Variants in CERK observed in about 807,000 individuals in gnomAD.
CERK encodes the protein acylsphingosine kinase.
Under a neutral mutation model 63.4 loss-of-function variants are expected in CERK, and 39 were observed. The observed-to-expected ratio is 0.61, with a 90% CI of 0.48 to 0.80. The LOEUF (loss-of-function observed/expected upper bound fraction) is 0.80, where lower values mean the gene tolerates loss of function less well. CERK is among the 30% of genes least tolerant of loss of function. The probability of loss-of-function intolerance (pLI) is 0.00; values close to 1 mark genes in which losing one functional copy is unlikely to be tolerated. For synonymous variants in CERK, 302 were observed against 280.0 expected, an observed-to-expected ratio of 1.08 and a Z score of -0.78; for missense variants, 670 against 714.1, an observed-to-expected ratio of 0.94 and a Z score of 0.70.
At position 46,728,824 on chromosome 22, in the gene CERK, G is replaced by A. The variant is rs191657070; in HGVS notation, c.143-7809C>T. Among the ~76,000 whole-genome samples the A allele has an allele frequency of 6.8e-3, 1,035 of 152,356 alleles. 9 individuals are homozygous for A. The highest frequency in any genetic ancestry group is 0.012 in the Non-Finnish European group (785 of 68,036). On this transcript the variant is annotated intron_variant, in intron 1 of 12. Transcript: ENST00000216264. The stretch of plus-strand genomic sequence containing the variant: ...GGGACGTCTGAGCTATGGGGCAGCA[G>A]GGTGGGTGCAGGCCCCTGTCCCAGA...
chr22:46,708,318 G>A (rs536276296), intron 5 of CERK, among the ~76,000 whole-genome samples: 2 of 152,372 alleles, frequency 1.3e-5, no homozygotes, highest in South Asian at 2.1e-4. Context: ...TTTGCGGGGC[G>A]GGAAGAGTAC....
intron 6 of CERK, among the ~76,000 whole-genome samples, chr22:46,703,782 G>A (rs1331506572): frequency 6.6e-6 from 1 of 152,100 alleles, no homozygotes; most frequent in African/African-American, 2.4e-5. Flanking sequence ...ACCCCCTGCC[G>A]AACCACCGCC....
At chr22:46,700,628 G>A (rs976266336) in intron 7 of CERK, among the ~76,000 whole-genome samples, 1 of 152,246 alleles carries the variant, frequency 6.6e-6, no homozygotes, top group East Asian at 1.9e-4. Flanking sequence ...TGGGAGGATC[G>A]CTTGAGTTCT....
intron 6 of CERK, among the ~76,000 whole-genome samples, chr22:46,702,422 G>C (rs2082791442): frequency 6.6e-6 from 1 of 152,028 alleles, no homozygotes; most frequent in South Asian, 2.1e-4. Flanking sequence ...CTCCCGAGGA[G>C]CTGGGATTAC....
rs181416979 is a variant in CERK, at chr22:46,691,267, T to G, written c.1332+305A>C. ...TTTGTATTTTTAGTAGAGATGAGGT[T>G]TCACCATGTTGCCCAGGCTGGTCTC... On this transcript the variant is annotated intron_variant, in intron 11 of 12. Transcript: ENST00000216264. 3.0e-3 allele frequency among the ~76,000 whole-genome samples: 461 copies of G among 152,210 alleles called. 2 individuals carry two copies. The highest frequency in any genetic ancestry group is 9.8e-3 in the African/African-American group (407 of 41,548).
intron 8 of CERK, among the ~76,000 whole-genome samples, chr22:46,696,581 T>C (rs2082757681): frequency 6.6e-6 from 1 of 152,196 alleles, no homozygotes; most frequent in South Asian, 2.1e-4. Flanking sequence ...TACCGGCACC[T>C]AAAACTCCAC....
rs1392706316 is a variant in CERK, at chr22:46,687,591, C to T, written c.1542-385G>A. Among the ~76,000 whole-genome samples, 3 of 152,176 alleles carry T rather than the reference C, an allele frequency of 2.0e-5. 1 individual carries two copies. The highest frequency in any genetic ancestry group is 4.4e-5 in the Non-Finnish European group (3 of 68,032). On this transcript the variant is annotated intron_variant, in intron 12 of 12. Transcript: ENST00000216264. ...GTGTCTGCCCACTCCACCCACCCAC[C>T]CACCTCCATTTTCTCAGCAGTACTG...
At position 46,722,556 on chromosome 22, in the gene CERK, C is replaced by CTT. The variant is rs556829995; in HGVS notation, c.143-1543_143-1542dup. On this transcript the variant is annotated intron_variant, in intron 1 of 12. Coordinates refer to ENST00000216264, the MANE Select transcript of CERK (RefSeq NM_022766.6). The stretch of plus-strand genomic sequence containing the variant: ...GGTGTGCCCCACCTGGGCCTCCCAT[C>CTT]TTTTTTTTTTTTTTTTTTTTGAGAT... 1.5e-3 allele frequency among the ~76,000 whole-genome samples: 183 copies of CTT among 125,546 alleles called. 2 individuals are homozygous for CTT. The highest frequency in any genetic ancestry group is 5.1e-3 in the African/African-American group (162 of 31,806). The allele number at this position is 125,546 out of a possible 152,430, so 82.4% of individuals were successfully genotyped here. A position where few individuals can be genotyped will look rare whatever the true frequency, so the allele number is the denominator to read the frequency against.
Position 46,692,946 on chromosome 22 carries a change from A to G in CERK, c.1126+481T>C, listed in dbSNP as rs151216845. On this transcript the variant is annotated intron_variant, in intron 10 of 12. Coordinates refer to ENST00000216264, the MANE Select transcript of CERK (RefSeq NM_022766.6). ...AAAAGAAGAGAAAGAGAAAAAAATC[A>G]AAATAATAATATTTTGTGACATGTG... is the stretch of plus-strand genomic sequence containing the variant. Among the ~76,000 whole-genome samples the G allele has an allele frequency of 3.3e-3, 504 of 152,146 alleles. 1 individual carries two copies. Among genetic ancestry groups the G allele is most frequent in the Non-Finnish European group, 5.9e-3 (402 of 67,996 alleles).
chr22:46,713,937 G>T (rs1023340736), intron 3 of CERK, among the ~76,000 whole-genome samples: 1 of 152,292 alleles, frequency 6.6e-6, no homozygotes, highest in South Asian at 2.1e-4. Context: ...TTCAAGACCA[G>T]CCAGGGCGAT....
chr22:46,696,113 C>T (rs986795543), intron 8 of CERK, among the ~76,000 whole-genome samples: 1 of 152,224 alleles, frequency 6.6e-6, no homozygotes, highest in African/African-American at 2.4e-5. Context: ...ACATCCTCAT[C>T]CGCAGATGGC....
At chr22:46,708,857 C>T (rs1475505362) in intron 5 of CERK, among the ~76,000 whole-genome samples, 2 of 152,026 alleles carry the variant, frequency 1.3e-5, no homozygotes, top group Non-Finnish European at 2.9e-5. Flanking sequence ...GGGGAAGGTC[C>T]GCCGGTAGAG....
chr22:46,705,402 T>G (rs2082808105), intron 6 of CERK, among the ~76,000 whole-genome samples: 2 of 152,216 alleles, frequency 1.3e-5, no homozygotes, highest in Admixed American at 1.3e-4. Context: ...CTGGGTCCAG[T>G]GGCTCATGCC....
chr22:46,719,772 G>A (rs190358138), intron 3 of CERK, among the ~76,000 whole-genome samples: 3 of 152,318 alleles, frequency 2.0e-5, no homozygotes, highest in African/African-American at 4.8e-5. Context: ...CATTCACCTC[G>A]AATGTAAAAG....
rs2082688918 is a variant in CERK, at chr22:46,684,518, A to G, written c.*2616T>C. The G allele has an allele frequency of 6.6e-6, 1 of 152,164 alleles. No homozygotes were observed. Among genetic ancestry groups the G allele is most frequent in the African/African-American group, 2.4e-5 (1 of 41,442 alleles). The allele number at this position is 152,164 out of a possible 1,614,324, so 9.4% of individuals were successfully genotyped here. A position where few individuals can be genotyped will look rare whatever the true frequency, so the allele number is the denominator to read the frequency against. The stretch of plus-strand genomic sequence containing the variant: ...AGAAAGAGAATGAGGCCATCCTTTC[A>G]CTCAGACTTTCCCAGTTACTCAAGA... On this transcript the variant is annotated 3_prime_UTR_variant, in exon 13 of 13. Transcript: ENST00000216264.
At chr22:46,712,053 C>T in intron 4 of CERK, 115 bp downstream of exon 4, 2 of 1,215,724 alleles carry the variant, frequency 1.6e-6, no homozygotes, top group Non-Finnish European at 2.3e-6. Context: ...CACCACTGCA[C>T]TCCAGCCTGG....
At chr22:46,701,513 C>T (rs541378261) in intron 7 of CERK, 123 bp downstream of exon 7, 8 of 766,438 alleles carry the variant, frequency 1.0e-5, no homozygotes, top group Middle Eastern at 3.7e-4. Flanking sequence ...GGGGACACAG[C>T]GTGACCCACG....
At chr22:46,699,598 G>A (rs2146552236) in intron 7 of CERK, 133 bp from the exon 8 acceptor site, 1 of 749,068 alleles carries the variant, frequency 1.3e-6, no homozygotes, top group South Asian at 1.8e-5. Flanking sequence ...AACGCATTCA[G>A]TGCAAGGATT....
intron 1 of CERK, among the ~76,000 whole-genome samples, chr22:46,729,963 T>A (rs1240916895): frequency 1.4e-5 from 2 of 146,946 alleles, no homozygotes; most frequent in African/African-American, 2.5e-5. Flanking sequence ...GGCGTGAACC[T>A]GGGAGGCGGA....
Sources: gnomAD v4.1 joint callset for allele counts (sites outside exome capture counted in the v4.1 genomes callset) on GRCh38, gnomAD v4.1.1 for gene constraint, MANE v1.5 for transcripts, NCBI Gene and HGNC (gene_info 2026-07-23, HGNC 2026-07-21) for gene names.